MCM9: variants seen among roughly 807,000 people sequenced by gnomAD.
The protein encoded by MCM9 is minichromosome maintenance 9 homologous recombination repair factor.
Under a neutral mutation model 72.8 loss-of-function variants are expected in MCM9, and 55 were observed. The ratio of observed to expected loss-of-function variants is 0.76; its 90% confidence interval spans 0.61 to 0.95. The LOEUF (loss-of-function observed/expected upper bound fraction) is 0.95, where lower values mean the gene tolerates loss of function less well. Among genes scored for constraint, MCM9 ranks in the 40% least tolerant of loss-of-function variants. The pLI, the probability that MCM9 is intolerant of heterozygous loss-of-function variation, is 0.00. For synonymous variants in MCM9, 480 were observed against 503.4 expected (o/e 0.95, Z 0.62); for missense variants, 1,279 against 1,377.0 (o/e 0.93, Z 1.13).
chr6:118,843,858 T>C, intron 9 of MCM9, among the ~76,000 whole-genome samples: 1 of 150,748 alleles, frequency 6.6e-6, no homozygotes, highest in Non-Finnish European at 1.5e-5. Context: ...CTTTAGTCAC[T>C]TGAGACAGGA....
At chr6:118,933,806 G>A (rs1782658875) in intron 1 of MCM9, among the ~76,000 whole-genome samples, 1 of 152,140 alleles carries the variant, frequency 6.6e-6, no homozygotes, top group Admixed American at 6.5e-5. Context: ...GGAGGCCAGA[G>A]TGAGAGTAAG....
intron 8 of MCM9, among the ~76,000 whole-genome samples, chr6:118,869,380 G>A (rs1777433187): frequency 6.6e-6 from 1 of 151,982 alleles, no homozygotes; most frequent in Admixed American, 6.6e-5. Flanking sequence ...TGCACGTTGT[G>A]CACATGTACC....
rs1673774735 is a variant in MCM9, at chr6:118,816,002, G to C, written c.2254C>G (p.Gln752Glu). 3 of 1,550,440 alleles carry C rather than the reference G, an allele frequency of 1.9e-6. No homozygotes were observed. In the African/African-American group the frequency reaches 4.1e-5, roughly 21 times the overall value. ...ACAACAGTGTTTTTAGGTTCACTCTGATGAGTTGCCATGAAATCAAACCAA... is the reference window on the plus strand; with the variant it reads ...ACAACAGTGTTTTTAGGTTCACTCTCATGAGTTGCCATGAAATCAAACCAA... The part of the protein sequence containing the change: ...LDWFDFMATH[Q>E]SEPKNTVVVS... Residue 752 changes from glutamine (Q) to glutamate (E), a missense_variant, in exon 14 of 14, where the codon CAG becomes GAG. Gln to Glu is a conservative substitution (Grantham distance 29, BLOSUM62 2). Transcript: ENST00000619706.
Position 118,894,070 on chromosome 6 carries a change from C to A in MCM9, c.1150+17580G>T. 4 of 1,083,612 alleles carry A rather than the reference C, an allele frequency of 3.7e-6. No individual in the cohort carries two copies. The South Asian group carries it at 1.1e-4, about 30-fold the overall frequency. The allele number at this position is 1,083,612 out of a possible 1,614,324, so 67.1% of individuals were successfully genotyped here. On this transcript the variant is annotated intron_variant, in intron 8 of 13. Coordinates refer to ENST00000619706, the MANE Select transcript of MCM9 (RefSeq NM_017696.3). ...CCTAATCCACACCAGCAGGTGGAGC[C>A]GCAGTTAAAGTTTCCGAGTCCATTC...
intron 8 of MCM9, among the ~76,000 whole-genome samples, chr6:118,900,370 AG>A (rs1209920843): frequency 6.6e-6 from 1 of 152,224 alleles, no homozygotes; most frequent in Non-Finnish European, 1.5e-5. Flanking sequence ...ATACAAAAAA[AG>A]GGGGATTCCA....
chr6:118,853,879 T>C (rs927057223), intron 9 of MCM9, among the ~76,000 whole-genome samples: 4 of 152,230 alleles, frequency 2.6e-5, no homozygotes, highest in African/African-American at 9.6e-5. Context: ...TTAAGTCTGA[T>C]AGATGAAACT....
At chr6:118,909,134 A>C (rs1457647326) in intron 8 of MCM9, 1 of 152,194 alleles carries the variant, frequency 6.6e-6, no homozygotes, top group African/African-American at 2.4e-5. Flanking sequence ...AAATGTTAAA[A>C]TATTAAAATG....
chr6:118,869,599 C>CAAAAAAAAAAAAAAAAAAAAAA, intron 8 of MCM9, among the ~76,000 whole-genome samples: 1 of 58,294 alleles, frequency 1.7e-5, no homozygotes, highest in Non-Finnish European at 3.3e-5. Flanking sequence ...AAAGGATTTA[C>CAAAAAAAAAAAAAAAAAAAAAA]AAAAAAAAAA....
chr6:118,822,529 G>A (rs1250999836), intron 13 of MCM9, among the ~76,000 whole-genome samples: 2 of 152,154 alleles, frequency 1.3e-5, no homozygotes, highest in African/African-American at 4.8e-5. Flanking sequence ...TGCCAGCAGA[G>A]CTCTCCTACA....
chr6:118,916,890 T>C (rs973216153), intron 6 of MCM9, among the ~76,000 whole-genome samples: 3 of 152,152 alleles, frequency 2.0e-5, no homozygotes, highest in African/African-American at 7.2e-5. Flanking sequence ...TTGAGGGGAG[T>C]GTTATTAGAA....
chr6:118,843,179 T>G (rs1477536169), intron 9 of MCM9, among the ~76,000 whole-genome samples: 1 of 152,176 alleles, frequency 6.6e-6, no homozygotes, highest in South Asian at 2.1e-4. Context: ...CCCTTGTAGG[T>G]AAGGTATGTG....
intron 8 of MCM9, among the ~76,000 whole-genome samples, chr6:118,863,078 G>A (rs1349016269): frequency 2.0e-5 from 3 of 152,068 alleles, no homozygotes; most frequent in Non-Finnish European, 2.9e-5. Context: ...AAACCTGAAA[G>A]ATAAAAACTT....
intron 8 of MCM9, among the ~76,000 whole-genome samples, chr6:118,898,774 A>G (rs748784479): frequency 2.0e-5 from 3 of 152,166 alleles, no homozygotes; most frequent in Admixed American, 6.5e-5. Context: ...TACCTTTCAC[A>G]TCACTTTCTT....
At chr6:118,818,757 T>A (rs1583318362) in intron 13 of MCM9, among the ~76,000 whole-genome samples, 1 of 152,220 alleles carries the variant, frequency 6.6e-6, no homozygotes, top group Non-Finnish European at 1.5e-5. Flanking sequence ...ACCCTATCCA[T>A]GAGCATGGAA....
chr6:118,932,552 CTTTA>C, intron 2 of MCM9, 51 bp downstream of exon 2: 2 of 944,944 alleles, frequency 2.1e-6, no homozygotes, highest in Non-Finnish European at 2.5e-6. Context: ...CTCTCTCTCT[CTTTA>C]GTTATACACA....
chr6:118,894,867 C>A (rs539381115), intron 8 of MCM9, among the ~76,000 whole-genome samples: 71 of 152,254 alleles, frequency 4.7e-4, no homozygotes, highest in African/African-American at 1.6e-3. Context: ...CCGCCAACAG[C>A]CTCCGCGACC....
intron 12 of MCM9, 111 bp from the exon 13 acceptor site, chr6:118,826,403 T>C: frequency 9.1e-7 from 1 of 1,099,128 alleles, no homozygotes; most frequent in Non-Finnish European, 1.3e-6. Context: ...TACACCCCTA[T>C]ACTGGGTATG....
At chr6:118,863,554 T>G (rs1777036671) in intron 8 of MCM9, among the ~76,000 whole-genome samples, 2 of 152,192 alleles carry the variant, frequency 1.3e-5, no homozygotes, top group African/African-American at 2.4e-5. Context: ...TTTGTCCCCC[T>G]GGCCCTAAAG....
At chr6:118,833,600 TAAAA>T (rs1023134002) in intron 9 of MCM9, among the ~76,000 whole-genome samples, 1 of 152,082 alleles carries the variant, frequency 6.6e-6, no homozygotes, top group African/African-American at 2.4e-5. Flanking sequence ...TGTTCAGTCT[TAAAA>T]AGAAAGAAAA....
Sources: allele counts gnomAD v4.1 joint callset (sites outside exome capture counted in the v4.1 genomes callset), GRCh38; gene constraint gnomAD v4.1.1; transcripts MANE v1.5; gene names NCBI Gene and HGNC (gene_info 2026-07-23, HGNC 2026-07-21).